The following NAV3 variants were observed in gnomAD, a reference collection of about 807,000 sequenced individuals.
NAV3 encodes the protein neuron navigator 3.
NAV3 carries 87 observed loss-of-function variants against 244.7 expected under a neutral mutation model. The ratio of observed to expected loss-of-function variants is 0.36; its 90% confidence interval spans 0.30 to 0.42. The LOEUF is 0.42. NAV3 is among the 20% of genes least tolerant of loss of function. The pLI is 1.00. For missense variants in NAV3, 2,663 were observed against 2,893.3 expected (o/e 0.92, Z 1.83); for synonymous variants, 1,126 against 1,042.2 (o/e 1.08, Z -1.55).
At chr12:78,104,357 A>G (rs1954694367) in intron 12 of NAV3, among the ~76,000 whole-genome samples, 1 of 152,194 alleles carries the variant, frequency 6.6e-6, no homozygotes, top group African/African-American at 2.4e-5. Flanking sequence ...CCTCAAATCA[A>G]TTTTAAATCT....
intron 3 of NAV3, among the ~76,000 whole-genome samples, chr12:77,951,939 G>A (rs1015457026): frequency 1.3e-5 from 2 of 151,794 alleles, no homozygotes; most frequent in African/African-American, 4.8e-5. Context: ...GAGAGGGGAG[G>A]GATAGCATCA....
At chr12:77,862,280 C>T (rs1232680255) in intron 1 of NAV3, among the ~76,000 whole-genome samples, 2 of 151,602 alleles carry the variant, frequency 1.3e-5, no homozygotes. Context: ...AGCAGTTAAT[C>T]AGCTAATTCA....
intron 7 of NAV3, among the ~76,000 whole-genome samples, chr12:78,002,529 T>C (rs1029109529): frequency 1.3e-5 from 2 of 152,206 alleles, no homozygotes; most frequent in Non-Finnish European, 2.9e-5. Flanking sequence ...ATGAGAATTA[T>C]GCATTAGTCT....
chr12:77,744,030 C>G (rs547844169), intron 2 of NAV3, among the ~76,000 whole-genome samples: 1 of 151,784 alleles, frequency 6.6e-6, no homozygotes, highest in East Asian at 1.9e-4. Context: ...TAAAACAATA[C>G]CAATAAAGAT....
At chr12:77,757,054 A>G (rs1264261614) in intron 2 of NAV3, among the ~76,000 whole-genome samples, 2 of 152,146 alleles carry the variant, frequency 1.3e-5, no homozygotes, top group Non-Finnish European at 2.9e-5. Flanking sequence ...ATCAAAGCAA[A>G]GTTTTATTTC....
chr12:77,823,249 A>G (rs934138335), intron 2 of NAV3, among the ~76,000 whole-genome samples: 15 of 152,204 alleles, frequency 9.9e-5, no homozygotes, highest in Non-Finnish European at 2.2e-4. Flanking sequence ...ACCAGAAAAG[A>G]AGGAACTGCA....
intron 9 of NAV3, among the ~76,000 whole-genome samples, chr12:78,039,724 T>C (rs900802690): frequency 5.9e-5 from 9 of 152,102 alleles, no homozygotes; most frequent in Non-Finnish European, 1.3e-4. Flanking sequence ...GATTAAATGG[T>C]CTGTCTGCCA....
chr12:77,582,912 G>A (rs995427701), intron 2 of NAV3, among the ~76,000 whole-genome samples: 1 of 152,144 alleles, frequency 6.6e-6, no homozygotes, highest in Non-Finnish European at 1.5e-5. Flanking sequence ...ATACATATGT[G>A]ACCATTTAAG....
intron 23 of NAV3, among the ~76,000 whole-genome samples, chr12:78,162,798 G>T (rs1005014859): frequency 6.7e-6 from 1 of 148,816 alleles, no homozygotes; most frequent in Non-Finnish European, 1.5e-5. Flanking sequence ...GGAGGTGGAG[G>T]TTGCAGTAAG....
chr12:77,920,795 G>A (rs1273795437), intron 1 of NAV3, among the ~76,000 whole-genome samples: 1 of 151,986 alleles, frequency 6.6e-6, no homozygotes, highest in Admixed American at 6.6e-5. Flanking sequence ...CTCTGCAGAT[G>A]CCTCTTGTCT....
chr12:78,195,195 C>T (rs1959150029), intron 34 of NAV3, among the ~76,000 whole-genome samples: 1 of 151,938 alleles, frequency 6.6e-6, no homozygotes, highest in African/African-American at 2.4e-5. Context: ...TAAAATGCAA[C>T]TTCTTCTGCA....
intron 1 of NAV3, among the ~76,000 whole-genome samples, chr12:77,875,654 T>C (rs529632105): frequency 6.7e-6 from 1 of 149,164 alleles, no homozygotes; most frequent in South Asian, 2.2e-4. Flanking sequence ...AGAGATAGCA[T>C]TTTTATTGTA....
intron 1 of NAV3, among the ~76,000 whole-genome samples, chr12:77,878,898 C>T (rs866977957): frequency 1.3e-5 from 2 of 152,018 alleles, no homozygotes; most frequent in South Asian, 2.1e-4. Context: ...AACTAATCTT[C>T]GTACCAACCT....
At chr12:77,882,085 T>C (rs1165801627) in intron 1 of NAV3, among the ~76,000 whole-genome samples, 1 of 152,060 alleles carries the variant, frequency 6.6e-6, no homozygotes, top group African/African-American at 2.4e-5. Flanking sequence ...TATTCTAAAA[T>C]TCACATGGAA....
intron 2 of NAV3, among the ~76,000 whole-genome samples, chr12:77,679,436 G>A (rs1350143153): frequency 6.6e-6 from 1 of 152,116 alleles, no homozygotes; most frequent in Non-Finnish European, 1.5e-5. Flanking sequence ...TATAGAAAGG[G>A]ATGAAAGGGA....
Position 77,831,308 on chromosome 12 carries a change from C to A in NAV3, c.-154C>A. 3 of 747,900 alleles carry A rather than the reference C, an allele frequency of 4.0e-6. No individual in the cohort carries two copies. The highest frequency in any genetic ancestry group is 5.9e-5 in the South Asian group (2 of 33,760). The allele number at this position is 747,900 out of a possible 1,614,324, so 46.3% of individuals were successfully genotyped here. A position where few individuals can be genotyped will look rare whatever the true frequency, so the allele number is the denominator to read the frequency against. On this transcript the variant is annotated 5_prime_UTR_variant, in exon 1 of 40. Transcript: ENST00000397909. ...AACTAAAGATGCAGGGAAGTTTTGC[C>A]TCTTCCTGAAAATTATATTATTAGC...
intron 1 of NAV3, among the ~76,000 whole-genome samples, chr12:77,839,307 T>TA (rs887805274): frequency 6.6e-6 from 1 of 152,234 alleles, no homozygotes; most frequent in African/African-American, 2.4e-5. Flanking sequence ...ACAACAATAA[T>TA]AATTTTCTTC....
intron 2 of NAV3, among the ~76,000 whole-genome samples, chr12:77,710,550 G>A (rs866772659): frequency 1.2e-4 from 19 of 152,080 alleles, no homozygotes; most frequent in Admixed American, 7.9e-4. Flanking sequence ...ATTTATGCAC[G>A]TTCTCCCCAA....
chr12:77,595,085 C>T (rs930949325), intron 2 of NAV3, among the ~76,000 whole-genome samples: 1 of 151,998 alleles, frequency 6.6e-6, no homozygotes, highest in Non-Finnish European at 1.5e-5. Flanking sequence ...AAATCAGTAC[C>T]TCAAAGAGAT....
Sources: gnomAD v4.1 joint callset for allele counts (sites outside exome capture counted in the v4.1 genomes callset) on GRCh38, gnomAD v4.1.1 for gene constraint, MANE v1.5 for transcripts, NCBI Gene and HGNC (gene_info 2026-07-23, HGNC 2026-07-21) for gene names.